The following EML6 variants were observed in gnomAD, a reference collection of about 807,000 sequenced individuals.
The protein encoded by EML6 is echinoderm microtubule-associated protein-like 6.
Under a neutral mutation model 240.1 loss-of-function variants are expected in EML6, and 154 were observed. That is an observed-to-expected ratio of 0.64 (90% CI 0.56 to 0.73). The LOEUF (loss-of-function observed/expected upper bound fraction) is 0.73, where lower values mean the gene tolerates loss of function less well. Ranked by LOEUF, EML6 falls within the 30% of genes least tolerant of loss-of-function variation. The probability of loss-of-function intolerance (pLI) is 0.00; values close to 1 mark genes in which losing one functional copy is unlikely to be tolerated. For missense variants in EML6, 2,964 were observed against 2,474.6 expected, an observed-to-expected ratio of 1.20 and a Z score of -4.20; for synonymous variants, 1,148 against 899.0, an observed-to-expected ratio of 1.28 and a Z score of -4.95.
intron 25 of EML6, among the ~76,000 whole-genome samples, chr2:54,916,306 C>T (rs1394305389): frequency 6.6e-6 from 1 of 152,140 alleles, no homozygotes; most frequent in Admixed American, 6.5e-5. Context: ...TTTGGCAATG[C>T]CTGGGGACAA....
intron 2 of EML6, among the ~76,000 whole-genome samples, chr2:54,787,695 C>T (rs1572895999): frequency 2.0e-5 from 3 of 152,078 alleles, no homozygotes; most frequent in Non-Finnish European, 4.4e-5. Flanking sequence ...ACTTGGGAGT[C>T]GTGTCTGGAG....
At chr2:54,771,340 C>T (rs1034031907) in intron 2 of EML6, among the ~76,000 whole-genome samples, 1 of 152,164 alleles carries the variant, frequency 6.6e-6, no homozygotes, top group Non-Finnish European at 1.5e-5. Context: ...CCACATGTCC[C>T]GTAACGCCAC....
chr2:54,876,019 T>A (rs886342197), intron 16 of EML6, among the ~76,000 whole-genome samples: 2 of 152,236 alleles, frequency 1.3e-5, no homozygotes, highest in South Asian at 2.1e-4. Flanking sequence ...ATTGTCTGAA[T>A]AAAACTTTGT....
intron 17 of EML6, among the ~76,000 whole-genome samples, chr2:54,887,435 A>G (rs4536682): frequency 0.021 from 3,218 of 152,278 alleles, 50 homozygotes; most frequent in Non-Finnish European, 0.026. Context: ...AGTTTTGTCT[A>G]TAACTTGCTG....
intron 2 of EML6, among the ~76,000 whole-genome samples, chr2:54,795,688 C>G (rs543360210): frequency 1.3e-5 from 2 of 152,156 alleles, no homozygotes; most frequent in Non-Finnish European, 2.9e-5. Context: ...TGCGCTGCCC[C>G]GATGGTGCTC....
At chr2:54,843,844 CAAAAA>C (rs34580151) in intron 7 of EML6, among the ~76,000 whole-genome samples, 198 bp from the exon 8 acceptor site, 7 of 108,890 alleles carry the variant, frequency 6.4e-5, no homozygotes, top group African/African-American at 7.5e-5. Flanking sequence ...GACTCCATCT[CAAAAA>C]AAAAAAAAAA....
chr2:54,901,960 T>C (rs902991296), intron 22 of EML6, among the ~76,000 whole-genome samples: 1 of 152,242 alleles, frequency 6.6e-6, no homozygotes, highest in African/African-American at 2.4e-5. Context: ...ACATGGTTCA[T>C]GGAGCACCAT....
intron 5 of EML6, among the ~76,000 whole-genome samples, chr2:54,827,047 C>A (rs968046483): frequency 6.6e-6 from 1 of 152,078 alleles, no homozygotes; most frequent in African/African-American, 2.4e-5. Context: ...GTGGTGCACT[C>A]CTATAATCTC....
chr2:54,863,927 G>A (rs1558626711), intron 13 of EML6, 38 bp downstream of exon 13: 1 of 1,103,046 alleles, frequency 9.1e-7, no homozygotes, highest in Admixed American at 2.4e-5. Context: ...TGTAACCCCA[G>A]AAGGGGATCT....
chr2:54,940,568 C>T (rs974393136), intron 28 of EML6, among the ~76,000 whole-genome samples: 3 of 152,208 alleles, frequency 2.0e-5, no homozygotes, highest in African/African-American at 7.2e-5. Context: ...ACTTAATACA[C>T]AGCAAACAAA....
intron 2 of EML6, among the ~76,000 whole-genome samples, chr2:54,783,306 A>G (rs1022286084): frequency 6.6e-6 from 1 of 152,118 alleles, no homozygotes; most frequent in African/African-American, 2.4e-5. Flanking sequence ...GTAATGAAAC[A>G]CTCTGTTATA....
At chr2:54,753,239 T>A (rs1208717538) in intron 2 of EML6, among the ~76,000 whole-genome samples, 1 of 152,260 alleles carries the variant, frequency 6.6e-6, no homozygotes, top group Non-Finnish European at 1.5e-5. Flanking sequence ...ATTGTGTTTT[T>A]AATTTTATTT....
At chr2:54,934,040 C>T (rs1484133953) in intron 28 of EML6, among the ~76,000 whole-genome samples, 1 of 152,146 alleles carries the variant, frequency 6.6e-6, no homozygotes. Context: ...ATCACTGGTC[C>T]ATAGCGTATT....
intron 2 of EML6, chr2:54,746,989 A>T (rs958479183): frequency 6.6e-6 from 1 of 152,214 alleles, no homozygotes; most frequent in African/African-American, 2.4e-5. Context: ...TTTCTCTGGC[A>T]CTGTATGCAC....
At chr2:54,826,960 G>A (rs930987766) in intron 5 of EML6, among the ~76,000 whole-genome samples, 3 of 152,106 alleles carry the variant, frequency 2.0e-5, no homozygotes, top group African/African-American at 7.2e-5. Context: ...ATTACTTGAG[G>A]CCAGGAGTTC....
intron 24 of EML6, among the ~76,000 whole-genome samples, chr2:54,907,466 C>A (rs905662294): frequency 6.6e-6 from 1 of 152,156 alleles, no homozygotes; most frequent in Non-Finnish European, 1.5e-5. Flanking sequence ...GAGATGGCAC[C>A]ACTGAACTCC....
intron 2 of EML6, among the ~76,000 whole-genome samples, chr2:54,735,212 C>A (rs1683339862): frequency 6.6e-6 from 1 of 152,250 alleles, no homozygotes; most frequent in Non-Finnish European, 1.5e-5. Flanking sequence ...GGCTACCATG[C>A]ACGTTCCTCC....
chr2:54,902,872 G>A (rs1236734527), intron 22 of EML6, among the ~76,000 whole-genome samples, 172 bp from the exon 23 acceptor site: 3 of 152,240 alleles, frequency 2.0e-5, no homozygotes, highest in Non-Finnish European at 2.9e-5. Context: ...GCTGCGCCCA[G>A]ACAAGAGGTG....
At chr2:54,873,543 C>T (rs1213891539) in intron 16 of EML6, among the ~76,000 whole-genome samples, 1 of 151,846 alleles carries the variant, frequency 6.6e-6, no homozygotes, top group Non-Finnish European at 1.5e-5. Context: ...CTAAAAGAAG[C>T]TGTAATTTTA....
Sources: allele counts gnomAD v4.1 joint callset (sites outside exome capture counted in the v4.1 genomes callset), GRCh38; gene constraint gnomAD v4.1.1; transcripts MANE v1.5; gene names NCBI Gene and HGNC (gene_info 2026-07-23, HGNC 2026-07-21).